The following ASB14 variants were observed in gnomAD, a reference collection of about 807,000 sequenced individuals.
ASB14 encodes ankyrin repeat and SOCS box containing 14.
Under a neutral mutation model 55.6 loss-of-function variants are expected in ASB14, and 63 were observed. The observed-to-expected ratio is 1.13, with a 90% CI of 0.92 to 1.40. The LOEUF (loss-of-function observed/expected upper bound fraction) is 1.40, where lower values mean the gene tolerates loss of function less well. Ranked by LOEUF, ASB14 falls within the 40% of genes most tolerant of loss-of-function variation. The pLI, the probability that ASB14 is intolerant of heterozygous loss-of-function variation, is 0.00. For missense variants in ASB14, 724 were observed against 710.4 expected (o/e 1.02, Z -0.22); for synonymous variants, 256 against 259.9 (o/e 0.98, Z 0.15).
intron 9 of ASB14, 150 bp from the exon 10 acceptor site, chr3:57,276,878 A>G (rs2107620215): frequency 1.4e-6 from 1 of 699,070 alleles, no homozygotes; most frequent in East Asian, 2.7e-5. Flanking sequence ...TCTTATTGCA[A>G]TCCTTGTTGT....
intron 5 of ASB14, among the ~76,000 whole-genome samples, chr3:57,284,667 G>C (rs897567885): frequency 6.6e-6 from 1 of 152,140 alleles, no homozygotes; most frequent in Non-Finnish European, 1.5e-5. Context: ...ACAGCCTCAC[G>C]GTTTTTACAT....
chr3:57,273,040 C>G lies in ASB14; in HGVS notation c.*23-3422G>C, dbSNP rs1399747399. 3 of 152,566 alleles carry G rather than the reference C, an allele frequency of 2.0e-5. No homozygotes were observed. The East Asian group carries it at 5.8e-4, about 29-fold the overall frequency. The allele number at this position is 152,566 out of a possible 1,614,324, so 9.5% of individuals were successfully genotyped here. On this transcript the variant is annotated intron_variant, in intron 10 of 10. Coordinates refer to ENST00000487349, the MANE Select transcript of ASB14 (RefSeq NM_001142733.3). The stretch of plus-strand genomic sequence containing the variant: ...TTACTCTTCTCCCATGAGATTTTGT[C>G]TTTCTACATTAACTAGTAAGACATA...
intron 10 of ASB14, chr3:57,271,933 A>G (rs1318262577): frequency 2.6e-5 from 4 of 152,180 alleles, no homozygotes; most frequent in Non-Finnish European, 5.9e-5. Context: ...TACTGCAGAG[A>G]TTTAAGTATC....
At chr3:57,288,346 T>C (rs1172731612) in intron 3 of ASB14, 60 bp from the exon 4 acceptor site, 1 of 1,491,314 alleles carries the variant, frequency 6.7e-7, no homozygotes, top group African/African-American at 1.4e-5. Context: ...GAAGCCCATA[T>C]TGCTTCCTGA....
intron 5 of ASB14, among the ~76,000 whole-genome samples, chr3:57,285,538 T>C (rs1009455638): frequency 2.0e-4 from 30 of 152,228 alleles, no homozygotes; most frequent in African/African-American, 6.3e-4. Context: ...AATATTTTTG[T>C]AGCATAATTT....
intron 8 of ASB14, 86 bp from the exon 9 acceptor site, chr3:57,278,006 T>C: frequency 7.9e-7 from 1 of 1,262,040 alleles, no homozygotes; most frequent in Non-Finnish European, 1.1e-6. Flanking sequence ...GGAGATGTGG[T>C]GTGATGAAAG....
At chr3:57,275,451 CAAA>C (rs11323278) in intron 10 of ASB14, among the ~76,000 whole-genome samples, 24 of 114,410 alleles carry the variant, frequency 2.1e-4, no homozygotes, top group Admixed American at 1.9e-4. Context: ...GACTCCATCT[CAAA>C]AAAAAAAAAA....
At chr3:57,291,197 T>G (rs942260839) in intron 2 of ASB14, among the ~76,000 whole-genome samples, 10 of 152,202 alleles carry the variant, frequency 6.6e-5, no homozygotes, top group Admixed American at 5.2e-4. Flanking sequence ...ATTGTCTCTA[T>G]TTAGTTATGA....
Position 57,268,448 on chromosome 3 carries a change from G to A in ASB14, c.*1193C>T. On this transcript the variant is annotated 3_prime_UTR_variant, in exon 11 of 11. Transcript: ENST00000487349. ...AAGAAATAGAGAGAGTAAAAGAGAAGCAACAGAAAGAACTCAATAAACAAA... is the reference window on the plus strand; with the variant it reads ...AAGAAATAGAGAGAGTAAAAGAGAAACAACAGAAAGAACTCAATAAACAAA... 1.2e-6 allele frequency: 2 copies of A among 1,604,366 alleles called. No individual in the cohort carries two copies. Among genetic ancestry groups the A allele is most frequent in the African/African-American group, 1.3e-5 (1 of 74,750 alleles).
chr3:57,288,113 T>G, intron 4 of ASB14, 42 bp downstream of exon 4: 1 of 1,535,506 alleles, frequency 6.5e-7, no homozygotes, highest in Non-Finnish European at 8.7e-7. Context: ...GAATGTTAAA[T>G]TTATCTCTCA....
At position 57,289,102 on chromosome 3, in the gene ASB14, A is replaced by G. The variant is rs1198418827; in HGVS notation, c.144T>C (p.Ala48=). Reference sequence around the variant, plus strand: ...TTGTTTCAACTATCTTCTTATAGTCAGCGCTCAAAAAGGAATGCAAACTGC... The same window carrying G: ...TTGTTTCAACTATCTTCTTATAGTCGGCGCTCAAAAAGGAATGCAAACTGC... ...KDESLHSFLS[A]DYKKIVETIE... is the part of the protein sequence containing the mutation. The change falls in exon 3 of 11, where the codon GCT becomes GCC. Residue 48 remains alanine, a synonymous_variant. Transcript: ENST00000487349. 3.3e-6 allele frequency: 5 copies of G among 1,530,260 alleles called. No homozygotes were observed. The highest frequency in any genetic ancestry group is 1.2e-5 in the South Asian group (1 of 83,908). The allele number at this position is 1,530,260 out of a possible 1,614,324, so 94.8% of individuals were successfully genotyped here.
At chr3:57,278,319 T>A in intron 8 of ASB14, 58 bp downstream of exon 8, 1 of 1,420,054 alleles carries the variant, frequency 7.0e-7, no homozygotes, top group East Asian at 2.3e-5. Flanking sequence ...TTTATTGCCA[T>A]AGTTCCAGGG....
chr3:57,289,032 A>G lies in ASB14; in HGVS notation c.178+36T>C, dbSNP rs370661288. ...TGCATCCAGCCAATGTCACCGTCAC[A>G]TCTTACCACAAGTTAAAGGGGATAG... On this transcript the variant is annotated intron_variant, in intron 3 of 10. Coordinates refer to ENST00000487349, the MANE Select transcript of ASB14 (RefSeq NM_001142733.3). The G allele has an allele frequency of 5.5e-4, 786 of 1,438,488 alleles. 2 individuals carry two copies. Among genetic ancestry groups the G allele is most frequent in the Admixed American group, 2.6e-3 (132 of 50,460 alleles). The allele number at this position is 1,438,488 out of a possible 1,614,324, so 89.1% of individuals were successfully genotyped here.
At position 57,288,171 on chromosome 3, in the gene ASB14, C is replaced by G; in HGVS notation, c.294G>C (p.Leu98Phe). The change falls in exon 4 of 11, where the codon TTG becomes TTC. Residue 98 changes from leucine to phenylalanine, a missense_variant. Leu to Phe is a conservative substitution (Grantham distance 22, BLOSUM62 0). Coordinates refer to ENST00000487349, the MANE Select transcript of ASB14 (RefSeq NM_001142733.3). ...GGAATTTACCGCTTAGGGTTATTTC[C>G]AAAATTTTCCTATTTAATTGCACTG... ...KAAVQLNRKI[L>F]EITLSASDPS... The G allele has an allele frequency of 3.3e-6, 5 of 1,537,054 alleles. No individual in the cohort carries two copies. Among genetic ancestry groups the G allele is most frequent in the Non-Finnish European group, 4.4e-6 (5 of 1,146,730 alleles).
At chr3:57,275,451 CAAAA>C (rs11323278) in intron 10 of ASB14, among the ~76,000 whole-genome samples, 7 of 114,442 alleles carry the variant, frequency 6.1e-5, no homozygotes, top group South Asian at 2.9e-4. Context: ...GACTCCATCT[CAAAA>C]AAAAAAAAAA....
At chr3:57,288,716 T>C (rs2061102009) in intron 3 of ASB14, among the ~76,000 whole-genome samples, 3 of 143,100 alleles carry the variant, frequency 2.1e-5, no homozygotes, top group African/African-American at 7.6e-5. Context: ...TCCTTTTTTT[T>C]TTTTTTTTTT....
chr3:57,277,046 A>G (rs1172281782), intron 9 of ASB14, among the ~76,000 whole-genome samples: 1 of 152,114 alleles, frequency 6.6e-6, no homozygotes, highest in Non-Finnish European at 1.5e-5. Context: ...CAGGTGGATC[A>G]TTTGAAGCCA....
chr3:57,277,312 T>G lies in ASB14; in HGVS notation c.1585+455A>C, dbSNP rs564465716. Among the ~76,000 whole-genome samples the G allele has an allele frequency of 1.0e-3, 150 of 149,772 alleles. 1 individual carries two copies. Among genetic ancestry groups the G allele is most frequent in the African/African-American group, 3.5e-3 (144 of 40,782 alleles). The stretch of plus-strand genomic sequence containing the variant: ...TGTTTTAGCCCCCTCAGGGACAGGG[T>G]AGAAACTGAAGATTACCACCCAAAG... On this transcript the variant is annotated intron_variant, in intron 9 of 10. Coordinates refer to ENST00000487349, the MANE Select transcript of ASB14 (RefSeq NM_001142733.3).
chr3:57,269,759 C>A, intron 10 of ASB14, 141 bp from the exon 11 acceptor site: 1 of 1,509,434 alleles, frequency 6.6e-7, no homozygotes, highest in Non-Finnish European at 9.1e-7. Flanking sequence ...AAGGTAACAA[C>A]TATGTTGAAA....
Sources: allele counts gnomAD v4.1 joint callset (sites outside exome capture counted in the v4.1 genomes callset), GRCh38; gene constraint gnomAD v4.1.1; transcripts MANE v1.5; gene names NCBI Gene and HGNC (gene_info 2026-07-23, HGNC 2026-07-21).